Variants in EPAS1 observed in about 807,000 individuals in gnomAD.
EPAS1 encodes the protein endothelial PAS domain-containing protein 1.
In EPAS1, 23 loss-of-function variants were observed where a neutral mutation model predicts 87.9. The observed-to-expected ratio is 0.26, with a 90% CI of 0.19 to 0.37. The LOEUF (loss-of-function observed/expected upper bound fraction) is 0.37, where lower values mean the gene tolerates loss of function less well. Ranked by LOEUF, EPAS1 falls within the 10% of genes least tolerant of loss-of-function variation. The probability of loss-of-function intolerance (pLI) is 1.00; values close to 1 mark genes in which losing one functional copy is unlikely to be tolerated. For missense variants in EPAS1, 1,138 were observed against 1,120.7 expected, an observed-to-expected ratio of 1.02 and a Z score of -0.22; for synonymous variants, 508 against 444.3, an observed-to-expected ratio of 1.14 and a Z score of -1.80.
At chr2:46,304,868 G>C (rs1220939449) in intron 1 of EPAS1, among the ~76,000 whole-genome samples, 1 of 152,182 alleles carries the variant, frequency 6.6e-6, no homozygotes, top group African/African-American at 2.4e-5. Context: ...TGGATAGGGG[G>C]ATAAAGAATA....
intron 1 of EPAS1, among the ~76,000 whole-genome samples, chr2:46,306,739 G>A (rs1007993469): frequency 6.6e-6 from 1 of 152,134 alleles, no homozygotes; most frequent in Non-Finnish European, 1.5e-5. Context: ...GCCTTTTGAG[G>A]AACTGCTTGA....
In EPAS1 at chr2:46,375,745, G is replaced by C. The variant is rs768938820; in HGVS notation, c.942G>C (p.Gly314=). Residue 314 remains glycine, a synonymous_variant, in exon 8 of 16, where the codon GGG becomes GGC. Coordinates refer to ENST00000263734, the MANE Select transcript of EPAS1 (RefSeq NM_001430.5). This position sits in a 1 kb window ranked among gnomAD's most constrained non-coding sequence, Gnocchi z 4.1. The part of the protein sequence containing the change: ...SGQYRMLAKH[G]GYVWLETQGT... ...AGTACCGGATGCTCGCAAAGCATGG[G>C]GGCTACGTGTGGCTGGAGACCCAGG... 2 of 1,614,096 alleles carry C rather than the reference G, an allele frequency of 1.2e-6. No homozygotes were observed. The highest frequency in any genetic ancestry group is 4.5e-5 in the East Asian group (2 of 44,892).
rs973005708 is a variant in EPAS1 at position 46,355,960 on chromosome 2, C to T, written c.218-191C>T. Reference sequence around the variant, plus strand: ...ACAAGCACACTGTCCTCACAGCTCCCGTCAGGGTGTCCTCTGTGCAGTGGT... The same window carrying T: ...ACAAGCACACTGTCCTCACAGCTCCTGTCAGGGTGTCCTCTGTGCAGTGGT... On this transcript the variant is annotated intron_variant, in intron 2 of 15. Transcript: ENST00000263734. Among the ~76,000 whole-genome samples the T allele has an allele frequency of 5.3e-5, 8 of 152,242 alleles. No homozygotes were observed. The East Asian group carries it at 7.7e-4, about 15-fold the overall frequency.
intron 1 of EPAS1, among the ~76,000 whole-genome samples, chr2:46,315,331 A>T (rs1007487068): frequency 2.0e-5 from 3 of 152,196 alleles, no homozygotes; most frequent in Non-Finnish European, 4.4e-5. Flanking sequence ...CATGTTGTAC[A>T]GAGGGGGCGG....
intron 1 of EPAS1, among the ~76,000 whole-genome samples, chr2:46,344,024 A>C (rs1683965833): frequency 6.6e-6 from 1 of 152,246 alleles, no homozygotes; most frequent in Non-Finnish European, 1.5e-5. Flanking sequence ...TAAACCCTTA[A>C]ATGGCTTATG....
rs1684357879 is a variant in EPAS1 at position 46,360,143 on chromosome 2, G to C, written c.455-495G>C. On this transcript the variant is annotated intron_variant, in intron 4 of 15. Coordinates refer to ENST00000263734, the MANE Select transcript of EPAS1 (RefSeq NM_001430.5). The surrounding 1 kb of genome is among the most constrained non-coding windows in gnomAD (Gnocchi z 4.5). The stretch of plus-strand genomic sequence containing the variant: ...CAGTTTGCAAATGGGGTACAGGAGG[G>C]GTTAAATTCCTCCTGAGAGACAGGT... Among the ~76,000 whole-genome samples the C allele has an allele frequency of 1.3e-5, 2 of 152,168 alleles. No homozygotes were observed. The highest frequency in any genetic ancestry group is 6.5e-5 in the Admixed American group (1 of 15,282).
chr2:46,328,103 G>T (rs1261694260), intron 1 of EPAS1, among the ~76,000 whole-genome samples: 1 of 152,194 alleles, frequency 6.6e-6, no homozygotes, highest in Non-Finnish European at 1.5e-5. Context: ...AGATCGGGCT[G>T]TTAGTGACCC....
intron 1 of EPAS1, among the ~76,000 whole-genome samples, chr2:46,320,578 A>T (rs1683436765): frequency 6.6e-6 from 1 of 152,248 alleles, no homozygotes; most frequent in Admixed American, 6.5e-5. Context: ...GGGATTTTGA[A>T]GCCACTGGGT....
chr2:46,321,866 G>A (rs923260278), intron 1 of EPAS1, among the ~76,000 whole-genome samples: 16 of 152,156 alleles, frequency 1.1e-4, no homozygotes, highest in Non-Finnish European at 2.4e-4. Context: ...ATAGGATATA[G>A]TACAGGCACC....
Position 46,347,407 on chromosome 2 carries a change from A to G in EPAS1, c.217+344A>G. 2.6e-6 allele frequency: 1 copy of G among 388,650 alleles called. No individual in the cohort carries two copies. The allele number at this position is 388,650 out of a possible 1,614,324, so 24.1% of individuals were successfully genotyped here. A position where few individuals can be genotyped will look rare whatever the true frequency, so the allele number is the denominator to read the frequency against. On this transcript the variant is annotated intron_variant, in intron 2 of 15. Transcript: ENST00000263734. This position sits in a 1 kb window ranked among gnomAD's most constrained non-coding sequence, Gnocchi z 4.2. ...CCATAAGACCCATCCTCCACACTAG[A>G]TTGAGTCCGCAGGAAGCATTCTAAT... is the stretch of plus-strand genomic sequence containing the variant.
intron 1 of EPAS1, among the ~76,000 whole-genome samples, chr2:46,330,055 C>T (rs1482044105): frequency 3.3e-5 from 5 of 152,130 alleles, no homozygotes; most frequent in South Asian, 2.1e-4. Context: ...GGTTCCAGAC[C>T]GTTTGTGATG....
Position 46,382,464 on chromosome 2 carries a change from C to A in EPAS1, c.2327C>A (p.Pro776His), listed in dbSNP as rs1449817007. 1 of 1,614,164 alleles carries A rather than the reference C, an allele frequency of 6.2e-7. No homozygotes were observed. The highest frequency in any genetic ancestry group is 8.5e-7 in the Non-Finnish European group (1 of 1,180,038). Residue 776 changes from proline (P) to histidine (H), a missense_variant, in exon 15 of 16, where the codon CCC becomes CAC. Physicochemically the swap from Pro to His is moderately conservative, Grantham distance 77. Coordinates refer to ENST00000263734, the MANE Select transcript of EPAS1 (RefSeq NM_001430.5). ...AACCCCATGAGGGGCCTGGGCCATC[C>A]CCTGAGACATCTGCCGCTGCCACAG... ...TQNPMRGLGH[P>H]LRHLPLPQPP... is the part of the protein sequence containing the mutation.
chr2:46,376,707 C>CCAGCTGGCT lies in EPAS1; in HGVS notation c.1205_1213dup (p.Gln402_Ala404dup). On this transcript the variant is annotated inframe_insertion, in exon 9 of 16. Transcript: ENST00000263734. ...TAAAGGAGGAGCCCGAGGAGCTGGC[C>CCAGCTGGCT]CAGCTGGCTCCCACCCCAGGAGACG... is the stretch of plus-strand genomic sequence containing the variant. The CCAGCTGGCT allele has an allele frequency of 6.2e-7, 1 of 1,613,238 alleles. No individual in the cohort carries two copies. Among genetic ancestry groups the CCAGCTGGCT allele is most frequent in the South Asian group, 1.1e-5 (1 of 91,018 alleles).
chr2:46,335,339 A>G (rs1396642170), intron 1 of EPAS1, among the ~76,000 whole-genome samples: 5 of 152,104 alleles, frequency 3.3e-5, no homozygotes, highest in Non-Finnish European at 7.4e-5. Context: ...CCTTAAAATC[A>G]TATTCTGTAC....
intron 6 of EPAS1, among the ~76,000 whole-genome samples, chr2:46,364,739 C>A (rs1463788980): frequency 6.6e-6 from 1 of 152,156 alleles, no homozygotes; most frequent in Non-Finnish European, 1.5e-5. Flanking sequence ...GAAAAATATC[C>A]TGATTATTAA....
intron 1 of EPAS1, among the ~76,000 whole-genome samples, chr2:46,305,095 G>A (rs1001685292): frequency 2.0e-5 from 3 of 152,156 alleles, no homozygotes; most frequent in African/African-American, 7.2e-5. Flanking sequence ...AGTCGATGTG[G>A]TGGTCATCCA....
At chr2:46,306,267 T>C (rs1460756394) in intron 1 of EPAS1, among the ~76,000 whole-genome samples, 2 of 152,178 alleles carry the variant, frequency 1.3e-5, no homozygotes, top group African/African-American at 4.8e-5. Flanking sequence ...CTGTCACTAC[T>C]TTGTATAAGT....
rs1031815142 is a variant in EPAS1, at chr2:46,382,072, G to A, written c.2270G>A (p.Ser757Asn). The A allele has an allele frequency of 6.8e-6, 11 of 1,613,878 alleles. No homozygotes were observed. Among genetic ancestry groups the A allele is most frequent in the Non-Finnish European group, 7.6e-6 (9 of 1,180,020 alleles). The change falls in exon 14 of 16, where the codon AGC becomes AAC. Residue 757 changes from serine (S) to asparagine (N), a missense_variant. Transcript: ENST00000263734. ...SCPLMPDKPL[S>N]ANVPNDKFTQ... is the part of the protein sequence containing the mutation. ...CCTTTGATGCCGGACAAGCCACTGA[G>A]CGCAAATGTACCCAATGGTGAGCAG...
chr2:46,298,810 G>T (rs1470451259), intron 1 of EPAS1, among the ~76,000 whole-genome samples: 1 of 151,908 alleles, frequency 6.6e-6, no homozygotes, highest in East Asian at 2.0e-4. Flanking sequence ...GGCGCTACCC[G>T]AGCGAGGGTT....
Sources: allele counts gnomAD v4.1 joint callset (sites outside exome capture counted in the v4.1 genomes callset), GRCh38; gene constraint gnomAD v4.1.1; non-coding constraint Gnocchi (gnomAD v3.1); transcripts MANE v1.5; gene names NCBI Gene and HGNC (gene_info 2026-07-23, HGNC 2026-07-21).